MTMR12: variants seen among roughly 807,000 people sequenced by gnomAD.
MTMR12 encodes myotubularin related protein 12.
In MTMR12, 33 loss-of-function variants were observed where a neutral mutation model predicts 96.7. That is an observed-to-expected ratio of 0.34 (90% confidence interval 0.26 to 0.46). The LOEUF is 0.46. Ranked by LOEUF, MTMR12 falls within the 20% of genes least tolerant of loss-of-function variation. The pLI, the probability that MTMR12 is intolerant of heterozygous loss-of-function variation, is 1.00. For missense variants in MTMR12, 721 were observed against 896.1 expected (o/e 0.80, Z 2.49); for synonymous variants, 298 against 327.2 (o/e 0.91, Z 0.96).
chr5:32,230,428 T>C (rs1409262847), intron 15 of MTMR12, 81 bp from the exon 16 acceptor site: 5 of 1,317,592 alleles, frequency 3.8e-6, no homozygotes, highest in Non-Finnish European at 5.2e-6. Context: ...AAAAAGAGCA[T>C]AACCCTGCTT....
chr5:32,311,601 T>C (rs368448653), intron 1 of MTMR12, among the ~76,000 whole-genome samples: 97 of 152,340 alleles, frequency 6.4e-4, no homozygotes, highest in African/African-American at 2.1e-3. Flanking sequence ...AAAAAACCTT[T>C]ACAGATGCAA....
chr5:32,290,110 C>T (rs530297917), intron 1 of MTMR12, among the ~76,000 whole-genome samples: 22 of 152,342 alleles, frequency 1.4e-4, no homozygotes, highest in African/African-American at 5.1e-4. Context: ...TGGTATACAG[C>T]CATTGACTTG....
chr5:32,311,523 C>T (rs531229150), intron 1 of MTMR12, among the ~76,000 whole-genome samples: 5 of 152,336 alleles, frequency 3.3e-5, no homozygotes, highest in African/African-American at 1.2e-4. Context: ...TTCTGCATTA[C>T]AGAGGTGGGA....
intron 8 of MTMR12, among the ~76,000 whole-genome samples, chr5:32,255,137 T>C (rs1170737493): frequency 6.6e-6 from 1 of 152,184 alleles, no homozygotes; most frequent in African/African-American, 2.4e-5. Flanking sequence ...ACAGCACTTA[T>C]TTATAATTCT....
At chr5:32,242,391 T>C (rs1189843388) in intron 11 of MTMR12, among the ~76,000 whole-genome samples, 1 of 152,190 alleles carries the variant, frequency 6.6e-6, no homozygotes, top group African/African-American at 2.4e-5. Flanking sequence ...ATTTCTAAAC[T>C]AGACATTCTT....
At chr5:32,276,576 T>G in intron 2 of MTMR12, 106 bp downstream of exon 2, 1 of 923,882 alleles carries the variant, frequency 1.1e-6, no homozygotes, top group South Asian at 1.5e-5. Context: ...CTGTTATATG[T>G]GAGAAGATGA....
In MTMR12 at chr5:32,273,505, G is replaced by A. The variant is rs73754426; in HGVS notation, c.285+475C>T. Among the ~76,000 whole-genome samples, 778 of 152,342 alleles carry A rather than the reference G, an allele frequency of 5.1e-3. 7 individuals carry two copies. The highest frequency in any genetic ancestry group is 0.018 in the African/African-American group (755 of 41,580). ...GAAGAGCTTAGTATAGAGAAAACGT[G>A]GGGAACTAGTATATTTGGAAGATGT... On this transcript the variant is annotated intron_variant, in intron 3 of 15. Coordinates refer to ENST00000382142, the MANE Select transcript of MTMR12 (RefSeq NM_001040446.3).
chr5:32,253,070 C>A (rs1214236780), intron 8 of MTMR12, among the ~76,000 whole-genome samples: 1 of 152,192 alleles, frequency 6.6e-6, no homozygotes, highest in Non-Finnish European at 1.5e-5. Context: ...TGTGCCCCCA[C>A]CCCACCCACG....
intron 7 of MTMR12, among the ~76,000 whole-genome samples, chr5:32,258,902 CAAAAAA>C (rs5867141): frequency 3.3e-5 from 3 of 90,592 alleles, no homozygotes; most frequent in African/African-American, 1.1e-4. Flanking sequence ...TGGTCTTTCA[CAAAAAA>C]AAAAAAAAAA....
At chr5:32,307,119 T>C (rs956320594) in intron 1 of MTMR12, among the ~76,000 whole-genome samples, 2 of 152,210 alleles carry the variant, frequency 1.3e-5, no homozygotes, top group African/African-American at 4.8e-5. Context: ...AATATATATA[T>C]ACCTACACAT....
At chr5:32,282,092 C>G (rs185361380) in intron 1 of MTMR12, among the ~76,000 whole-genome samples, 1 of 152,212 alleles carries the variant, frequency 6.6e-6, no homozygotes, top group East Asian at 1.9e-4. Context: ...TCAATCATCA[C>G]GAGCATCAGG....
chr5:32,308,170 A>C (rs1751429859), intron 1 of MTMR12, among the ~76,000 whole-genome samples: 1 of 151,926 alleles, frequency 6.6e-6, no homozygotes, highest in Non-Finnish European at 1.5e-5. Flanking sequence ...AAAAATACAA[A>C]CATTAGCTGG....
intron 8 of MTMR12, among the ~76,000 whole-genome samples, chr5:32,251,246 G>A (rs1358680469): frequency 1.3e-5 from 2 of 151,782 alleles, no homozygotes; most frequent in African/African-American, 2.4e-5. Flanking sequence ...TAGTAGAGAC[G>A]GGGTTTCACC....
intron 1 of MTMR12, among the ~76,000 whole-genome samples, chr5:32,301,407 T>A (rs1751135607): frequency 6.6e-6 from 1 of 152,160 alleles, no homozygotes; most frequent in East Asian, 1.9e-4. Context: ...CTATTCCCAG[T>A]GGTTTGCATA....
Position 32,255,729 on chromosome 5 carries a change from T to C in MTMR12, c.753A>G (p.Glu251=). The C allele has an allele frequency of 6.2e-7, 1 of 1,613,022 alleles. No individual in the cohort carries two copies. Among genetic ancestry groups the C allele is most frequent in the Non-Finnish European group, 8.5e-7 (1 of 1,179,620 alleles). Residue 251 remains glutamate, a synonymous_variant, in exon 8 of 16, where the codon GAA becomes GAG. Coordinates refer to ENST00000382142, the MANE Select transcript of MTMR12 (RefSeq NM_001040446.3). ...AYFVVPTPLP[E]ENVQRFQGHG... ...GACCCTGAAAGCGCTGCACATTCTC[T>C]TCAGGAAGAGGGGTGGGGACAACAA... is the stretch of plus-strand genomic sequence containing the variant.
rs1221447099 is a variant in MTMR12 at position 32,260,729 on chromosome 5, CG to C, written c.713+2383del. Among the ~76,000 whole-genome samples the C allele has an allele frequency of 3.3e-5, 4 of 120,462 alleles. 1 individual carries two copies. In the East Asian group the frequency reaches 1.1e-3, roughly 34 times the overall value. 79.0% of individuals were successfully genotyped at this position (120,462 alleles called of 152,430 possible). A position where few individuals can be genotyped will look rare whatever the true frequency, so the allele number is the denominator to read the frequency against. On this transcript the variant is annotated intron_variant, in intron 7 of 15. Coordinates refer to ENST00000382142, the MANE Select transcript of MTMR12 (RefSeq NM_001040446.3). ...CTCACACTGTGAAGGCACTGCAGGG[CG>C]GGGGGGAGGGGGACCAGTGGCAGCA... is the stretch of plus-strand genomic sequence containing the variant.
At chr5:32,246,641 ACATCAT>A (rs1251729450) in intron 10 of MTMR12, among the ~76,000 whole-genome samples, 1 of 152,174 alleles carries the variant, frequency 6.6e-6, no homozygotes, top group Non-Finnish European at 1.5e-5. Context: ...TTTATCTTCA[ACATCAT>A]CTGCTCCTTC....
chr5:32,276,576 T>C, intron 2 of MTMR12, 106 bp downstream of exon 2: 1 of 923,882 alleles, frequency 1.1e-6, no homozygotes. Context: ...CTGTTATATG[T>C]GAGAAGATGA....
chr5:32,249,564 G>C (rs1275189104), intron 8 of MTMR12, among the ~76,000 whole-genome samples: 1 of 152,174 alleles, frequency 6.6e-6, no homozygotes, highest in Non-Finnish European at 1.5e-5. Flanking sequence ...AGGGAAATAA[G>C]CTTAGGAATA....
Sources: allele counts gnomAD v4.1 joint callset (sites outside exome capture counted in the v4.1 genomes callset), GRCh38; gene constraint gnomAD v4.1.1; transcripts MANE v1.5; gene names NCBI Gene and HGNC (gene_info 2026-07-23, HGNC 2026-07-21).